EIF4G3: variants seen among roughly 807,000 people sequenced by gnomAD.
EIF4G3 encodes eukaryotic translation initiation factor 4 gamma 3, also known as eIF-4-gamma 3.
Under a neutral mutation model 186.4 loss-of-function variants are expected in EIF4G3, and 34 were observed. The observed-to-expected ratio is 0.18, with a 90% CI of 0.14 to 0.24. EIF4G3 has a LOEUF of 0.24. Among genes scored for constraint, EIF4G3 ranks in the 10% least tolerant of loss-of-function variants. The pLI, the probability that EIF4G3 is intolerant of heterozygous loss-of-function variation, is 1.00. For synonymous variants in EIF4G3, 673 were observed against 679.5 expected (o/e 0.99, Z 0.15); for missense variants, 1,536 against 1,948.5 (o/e 0.79, Z 3.99).
intron 12 of EIF4G3, among the ~76,000 whole-genome samples, chr1:20,954,831 C>A (rs561627621): frequency 1.9e-4 from 29 of 152,252 alleles, no homozygotes; most frequent in African/African-American, 6.0e-4. Flanking sequence ...AAATGCTTTA[C>A]TGGGAAAGTT....
intron 10 of EIF4G3, among the ~76,000 whole-genome samples, chr1:20,977,191 ATT>A (rs932764761): frequency 6.9e-6 from 1 of 145,602 alleles, no homozygotes; most frequent in Non-Finnish European, 1.5e-5. Flanking sequence ...TATTATTGAA[ATT>A]TTTTTTTTTT....
At chr1:21,031,785 A>G (rs2092770551) in intron 4 of EIF4G3, among the ~76,000 whole-genome samples, 1 of 152,240 alleles carries the variant, frequency 6.6e-6, no homozygotes, top group Admixed American at 6.5e-5. Context: ...CTAAGCTCCT[A>G]ATTCTTCTGA....
chr1:20,943,990 G>GTGTC (rs2095833957), intron 13 of EIF4G3, among the ~76,000 whole-genome samples: 9 of 125,686 alleles, frequency 7.2e-5, no homozygotes, highest in Non-Finnish European at 3.6e-5. Context: ...GTGTGTGTGT[G>GTGTC]TGTGTGTGTG....
At chr1:20,892,803 A>G (rs2086554800) in intron 18 of EIF4G3, 1 of 983,124 alleles carries the variant, frequency 1.0e-6, no homozygotes, top group African/African-American at 1.6e-5. Flanking sequence ...AGGACACCTC[A>G]AAACAAAACA....
chr1:21,012,303 C>T (rs1263359775), intron 4 of EIF4G3, among the ~76,000 whole-genome samples: 1 of 152,114 alleles, frequency 6.6e-6, no homozygotes, highest in Non-Finnish European at 1.5e-5. Context: ...CTTAGAGGCA[C>T]CTGCAACCTC....
chr1:21,167,523 C>G (rs766914428), intron 2 of EIF4G3, among the ~76,000 whole-genome samples: 1 of 152,112 alleles, frequency 6.6e-6, no homozygotes, highest in Admixed American at 6.6e-5. Context: ...CGTCTGTAAT[C>G]CCAGTACTTT....
chr1:20,883,571 C>T (rs911083295), intron 19 of EIF4G3, among the ~76,000 whole-genome samples: 1 of 151,444 alleles, frequency 6.6e-6, no homozygotes, highest in Middle Eastern at 3.4e-3. Flanking sequence ...GAGCCAAGAT[C>T]GCACCACTGC....
At chr1:20,992,654 G>A (rs1369011529) in intron 7 of EIF4G3, among the ~76,000 whole-genome samples, 2 of 152,066 alleles carry the variant, frequency 1.3e-5, no homozygotes, top group Non-Finnish European at 2.9e-5. Context: ...AAAAGTATGT[G>A]AACCAAAATC....
At chr1:21,087,088 T>C (rs1467643663) in intron 3 of EIF4G3, among the ~76,000 whole-genome samples, 1 of 152,142 alleles carries the variant, frequency 6.6e-6, no homozygotes, top group Non-Finnish European at 1.5e-5. Context: ...CCCAAAATAA[T>C]AGGAATCACT....
At chr1:20,821,656 AC>A (rs2154546152) in intron 33 of EIF4G3, among the ~76,000 whole-genome samples, 1 of 149,624 alleles carries the variant, frequency 6.7e-6, no homozygotes, top group East Asian at 2.0e-4. Context: ...ATACTTCACC[AC>A]CTTCCCTATT....
At chr1:20,834,851 C>T (rs76842954) in intron 30 of EIF4G3, among the ~76,000 whole-genome samples, 3,866 of 152,222 alleles carry the variant, frequency 0.025, 110 homozygotes, top group East Asian at 0.096. Flanking sequence ...AGTAAGGAAA[C>T]ATTGGGCTTG....
intron 24 of EIF4G3, among the ~76,000 whole-genome samples, chr1:20,859,079 G>A (rs929802489): frequency 6.6e-6 from 1 of 152,128 alleles, no homozygotes; most frequent in Non-Finnish European, 1.5e-5. Flanking sequence ...CTAACATAAC[G>A]TCTTGATTTT....
intron 14 of EIF4G3, among the ~76,000 whole-genome samples, chr1:20,910,175 CAATT>C (rs1558190648): frequency 1.3e-5 from 2 of 152,006 alleles, no homozygotes; most frequent in Admixed American, 6.5e-5. Flanking sequence ...AATAGGGAGA[CAATT>C]AAAATTAAAA....
intron 14 of EIF4G3, among the ~76,000 whole-genome samples, chr1:20,932,334 GTTTTGCTT>G (rs1263458389): frequency 1.3e-5 from 2 of 152,116 alleles, no homozygotes; most frequent in African/African-American, 2.4e-5. Flanking sequence ...CAAAAAGGCT[GTTTTGCTT>G]TTGTATCATT....
intron 4 of EIF4G3, among the ~76,000 whole-genome samples, chr1:21,004,249 G>C (rs895530568): frequency 1.3e-5 from 2 of 152,006 alleles, no homozygotes; most frequent in East Asian, 3.8e-4. Context: ...TAAAACCTTA[G>C]AATAAGTGAT....
chr1:21,058,619 C>CA (rs1282348252), intron 3 of EIF4G3, among the ~76,000 whole-genome samples: 1 of 151,546 alleles, frequency 6.6e-6, no homozygotes, highest in East Asian at 1.9e-4. Flanking sequence ...CTCCATCTCC[C>CA]AGGCTTAAGT....
intron 4 of EIF4G3, among the ~76,000 whole-genome samples, chr1:21,007,915 A>G (rs1372437541): frequency 6.6e-6 from 1 of 152,158 alleles, no homozygotes; most frequent in Non-Finnish European, 1.5e-5. Context: ...TTACTTTCCA[A>G]TGTTCAGTAG....
In EIF4G3 at chr1:20,997,648, G is replaced by A; in HGVS notation, c.145-15C>T. The A allele has an allele frequency of 2.6e-6, 4 of 1,529,366 alleles. No individual in the cohort carries two copies. Among genetic ancestry groups the A allele is most frequent in the South Asian group, 1.2e-5 (1 of 81,316 alleles). The allele number at this position is 1,529,366 out of a possible 1,614,324, so 94.7% of individuals were successfully genotyped here. A position where few individuals can be genotyped will look rare whatever the true frequency, so the allele number is the denominator to read the frequency against. ...CCCGCTGCAAACTGAGAAAAGGAGG[G>A]AAAACAAACACAAAAGGAAAGGCAC... On this transcript the variant is annotated splice_polypyrimidine_tract_variant and intron_variant, in intron 6 of 36. Transcript: ENST00000602326.
chr1:21,108,177 T>C (rs1381475319), intron 2 of EIF4G3, among the ~76,000 whole-genome samples: 1 of 152,106 alleles, frequency 6.6e-6, no homozygotes, highest in Non-Finnish European at 1.5e-5. Flanking sequence ...AAACAAAAAA[T>C]ACAATCTTTG....
Sources: gnomAD v4.1 joint callset for allele counts (sites outside exome capture counted in the v4.1 genomes callset) on GRCh38, gnomAD v4.1.1 for gene constraint, MANE v1.5 for transcripts, NCBI Gene and HGNC (gene_info 2026-07-23, HGNC 2026-07-21) for gene names.